MYO18B: variants seen among roughly 807,000 people sequenced by gnomAD.
MYO18B encodes the protein myosin XVIIIB, also known as unconventional myosin-XVIIIb.
In MYO18B, 204 loss-of-function variants were observed where a neutral mutation model predicts 273.0. The observed-to-expected ratio is 0.75, with a 90% CI of 0.67 to 0.84. MYO18B has a LOEUF of 0.84. Ranked by LOEUF, MYO18B falls within the 40% of genes least tolerant of loss-of-function variation. MYO18B has a pLI of 0.00. For missense variants in MYO18B, 3,212 were observed against 3,287.6 expected, an observed-to-expected ratio of 0.98 and a Z score of 0.56; for synonymous variants, 1,330 against 1,305.7, an observed-to-expected ratio of 1.02 and a Z score of -0.40.
chr22:25,992,482 T>C lies in MYO18B; in HGVS notation c.6276T>C (p.Ser2092=), dbSNP rs2093280129. Residue 2092 remains serine, a synonymous_variant, in exon 40 of 44, where the codon AGT becomes AGC. Coordinates refer to ENST00000335473, the MANE Select transcript of MYO18B (RefSeq NM_032608.7). ...TGGAAGAAGTGGCATCCAGTGACAG[T>C]GATACTGAGAGGTAACTTGCTAGGG... ...AALEEVASSD[S]DTESVQTAVD... 1 of 1,613,784 alleles carries C rather than the reference T, an allele frequency of 6.2e-7. No homozygotes were observed. The highest frequency in any genetic ancestry group is 1.7e-5 in the Admixed American group (1 of 60,002).
intron 12 of MYO18B, among the ~76,000 whole-genome samples, chr22:25,816,803 T>G (rs577609226): frequency 2.0e-5 from 3 of 152,206 alleles, no homozygotes; most frequent in Non-Finnish European, 4.4e-5. Context: ...TCCAGAACAT[T>G]GCCTTTTCCT....
intron 28 of MYO18B, 144 bp from the exon 29 acceptor site, chr22:25,898,163 A>C (rs1223176569): frequency 6.0e-6 from 5 of 835,662 alleles, no homozygotes; most frequent in Non-Finnish European, 9.0e-6. Context: ...ACCCTGGAGG[A>C]AGGTAGTCAA....
At position 25,952,276 on chromosome 22, in the gene MYO18B, ATACT is replaced by A; in HGVS notation, c.5833-6_5833-3del. 1 of 1,607,612 alleles carries A rather than the reference ATACT, an allele frequency of 6.2e-7. No individual in the cohort carries two copies. Among genetic ancestry groups the A allele is most frequent in the Non-Finnish European group, 8.5e-7 (1 of 1,177,484 alleles). Reference sequence around the variant, plus strand: ...AACAGATGTCCAATAGACTTCTCTCATACTTACAGCTGCAGGTGGCTCAGATGCG... The same window carrying A: ...AACAGATGTCCAATAGACTTCTCTCATACAGCTGCAGGTGGCTCAGATGCG... On this transcript the variant is annotated splice_polypyrimidine_tract_variant and splice_region_variant and intron_variant, in intron 37 of 43. Transcript: ENST00000335473.
At chr22:25,817,038 T>G (rs954273336) in intron 12 of MYO18B, among the ~76,000 whole-genome samples, 19 of 152,220 alleles carry the variant, frequency 1.2e-4, no homozygotes, top group African/African-American at 4.6e-4. Flanking sequence ...TGATAGCAAT[T>G]GAACTCATAG....
chr22:25,798,114 G>T lies in MYO18B; in HGVS notation c.2521+17G>T. 6.3e-7 allele frequency: 1 copy of T among 1,589,906 alleles called. No individual in the cohort carries two copies. On this transcript the variant is annotated intron_variant, in intron 12 of 43. Transcript: ENST00000335473. ...CCTGCAAAGGTACGTCCTTCCTGCC[G>T]GGCTCACCTGGGAGGGCAGCTGTCT...
intron 31 of MYO18B, among the ~76,000 whole-genome samples, chr22:25,906,184 T>G (rs2092038973): frequency 6.6e-6 from 1 of 152,210 alleles, no homozygotes; most frequent in Non-Finnish European, 1.5e-5. Context: ...TATTTATTGA[T>G]TATAATACAA....
chr22:25,947,499 C>CACAG (rs2092726859), intron 35 of MYO18B, among the ~76,000 whole-genome samples: 2 of 126,480 alleles, frequency 1.6e-5, no homozygotes, highest in African/African-American at 7.5e-5. Flanking sequence ...CACACACACA[C>CACAG]ACACACACAC....
intron 30 of MYO18B, chr22:25,903,104 C>T (rs2091970917): frequency 4.4e-6 from 1 of 224,854 alleles, no homozygotes; most frequent in Non-Finnish European, 8.8e-6. Flanking sequence ...ACACGGGTGC[C>T]TCACTCAGCT....
chr22:25,907,564 G>A (rs1320937179), intron 31 of MYO18B, among the ~76,000 whole-genome samples: 1 of 152,322 alleles, frequency 6.6e-6, no homozygotes, highest in East Asian at 1.9e-4. Context: ...AGAGAAAGGG[G>A]ACTGACCTAG....
chr22:25,990,568 T>A (rs1404835709), intron 39 of MYO18B, among the ~76,000 whole-genome samples: 3 of 151,474 alleles, frequency 2.0e-5, no homozygotes, highest in African/African-American at 7.3e-5. Context: ...GTGCCTGTAA[T>A]CCCATCTACT....
intron 7 of MYO18B, among the ~76,000 whole-genome samples, chr22:25,775,962 G>T (rs1244822470): frequency 6.6e-6 from 1 of 151,868 alleles, no homozygotes; most frequent in Non-Finnish European, 1.5e-5. Flanking sequence ...TTTGACAAAG[G>T]TGTATAGTTG....
Position 25,840,911 on chromosome 22 carries a change from A to AC in MYO18B, c.3209-2819dup, listed in dbSNP as rs546575973. On this transcript the variant is annotated intron_variant, in intron 17 of 43. Coordinates refer to ENST00000335473, the MANE Select transcript of MYO18B (RefSeq NM_032608.7). ...ACTCTGTCCATATCCTTTGCCTTAAACCCCCTGAGAAGACACATTAATTAT... is the reference window on the plus strand; with the variant it reads ...ACTCTGTCCATATCCTTTGCCTTAAACCCCCCTGAGAAGACACATTAATTAT... 5.9e-5 allele frequency among the ~76,000 whole-genome samples: 9 copies of AC among 152,282 alleles called. No individual in the cohort carries two copies. In the East Asian group the frequency reaches 1.7e-3, roughly 29 times the overall value.
At chr22:26,025,699 C>T (rs976467498) in intron 42 of MYO18B, among the ~76,000 whole-genome samples, 43 of 152,046 alleles carry the variant, frequency 2.8e-4, no homozygotes, top group African/African-American at 1.0e-3. Context: ...GGTTGATGGA[C>T]TCCAGTCTCT....
chr22:25,854,341 A>G (rs898711512), intron 21 of MYO18B, among the ~76,000 whole-genome samples: 1 of 152,226 alleles, frequency 6.6e-6, no homozygotes, highest in Non-Finnish European at 1.5e-5. Context: ...TTACAGAACC[A>G]TGAGCTAAGA....
chr22:25,962,657 A>G (rs2092930341), intron 39 of MYO18B, among the ~76,000 whole-genome samples: 1 of 152,210 alleles, frequency 6.6e-6, no homozygotes, highest in Admixed American at 6.5e-5. Flanking sequence ...ACTCTGACAC[A>G]AGATGGGATG....
At chr22:26,052,795 G>GT in the MYO18B span, among the ~76,000 whole-genome samples, 385 of 141,816 alleles carry the variant, frequency 2.7e-3, 4 homozygotes, top group South Asian at 0.015. Flanking sequence ...GAATTGGGTG[G>GT]TTTTTTTTTT....
chr22:25,923,268 T>A (rs1324274887), intron 34 of MYO18B, among the ~76,000 whole-genome samples: 1 of 152,236 alleles, frequency 6.6e-6, no homozygotes, highest in Non-Finnish European at 1.5e-5. Flanking sequence ...CAAATCATTC[T>A]CTTCTAGGGT....
At chr22:26,032,523 T>G (rs1020460234), downstream of MYO18B, among the ~76,000 whole-genome samples, 196 of 150,446 alleles carry the variant, frequency 1.3e-3, 2 homozygotes, top group African/African-American at 4.6e-3. Flanking sequence ...CCCTGTTTTT[T>G]TTTTTTTTTT....
intron 21 of MYO18B, among the ~76,000 whole-genome samples, chr22:25,861,958 T>C (rs180889561): frequency 3.9e-5 from 6 of 152,312 alleles, no homozygotes; most frequent in African/African-American, 1.4e-4. Flanking sequence ...GTGGGTTCTA[T>C]ATCCATGAAC....
Sources: gnomAD v4.1 joint callset for allele counts (sites outside exome capture counted in the v4.1 genomes callset) on GRCh38, gnomAD v4.1.1 for gene constraint, MANE v1.5 for transcripts, NCBI Gene and HGNC (gene_info 2026-07-23, HGNC 2026-07-21) for gene names.